ATL3: variants seen among roughly 807,000 people sequenced by gnomAD.
ATL3 encodes atlastin GTPase 3.
Under a neutral mutation model 69.5 loss-of-function variants are expected in ATL3, and 49 were observed. That is an observed-to-expected ratio of 0.71 (90% CI 0.56 to 0.89). The LOEUF is 0.89. Among genes scored for constraint, ATL3 ranks in the 40% least tolerant of loss-of-function variants. ATL3 has a pLI of 0.00. For missense variants in ATL3, 606 were observed against 645.7 expected (o/e 0.94, Z 0.67); for synonymous variants, 214 against 224.1 (o/e 0.95, Z 0.40).
intron 3 of ATL3, among the ~76,000 whole-genome samples, chr11:63,656,369 C>T (rs1373994032): frequency 6.6e-6 from 1 of 151,712 alleles, no homozygotes; most frequent in Non-Finnish European, 1.5e-5. Context: ...AAGAAAAAAG[C>T]AACCAGACAA....
chr11:63,635,938 G>A (rs531809342), intron 9 of ATL3, among the ~76,000 whole-genome samples: 3 of 147,566 alleles, frequency 2.0e-5, no homozygotes, highest in East Asian at 3.9e-4. Context: ...ACCACCTCCT[G>A]TCCACACCAT....
At chr11:63,668,536 G>A (rs1326208997) in intron 1 of ATL3, among the ~76,000 whole-genome samples, 2 of 152,174 alleles carry the variant, frequency 1.3e-5, no homozygotes, top group African/African-American at 4.8e-5. Flanking sequence ...CCATAGCACA[G>A]AAGGCTGAAC....
chr11:63,659,468 A>T (rs552465248), intron 1 of ATL3, among the ~76,000 whole-genome samples: 392 of 152,202 alleles, frequency 2.6e-3, no homozygotes, highest in South Asian at 6.2e-3. Context: ...TATGAAATTT[A>T]AAAAATTAGC....
rs1004741278 is a variant in ATL3, at chr11:63,625,830, A to G, written c.*3489T>C. 2 of 152,228 alleles carry G rather than the reference A, an allele frequency of 1.3e-5. No individual in the cohort carries two copies. The highest frequency in any genetic ancestry group is 2.9e-5 in the Non-Finnish European group (2 of 68,078). 9.4% of individuals were successfully genotyped at this position (152,228 alleles called of 1,614,324 possible). A position where few individuals can be genotyped will look rare whatever the true frequency, so the allele number is the denominator to read the frequency against. ...AGCCCTGTCTCTACTAAAAATACAA[A>G]AATAAGCCGGGTGTGGTGGCACATG... On this transcript the variant is annotated 3_prime_UTR_variant, in exon 13 of 13. Transcript: ENST00000398868.
chr11:63,652,814 T>C (rs890312653), intron 3 of ATL3, among the ~76,000 whole-genome samples: 40 of 152,340 alleles, frequency 2.6e-4, no homozygotes, highest in African/African-American at 9.4e-4. Flanking sequence ...GCCCCACCAA[T>C]TGAAACAGAC....
At chr11:63,661,564 CGA>C (rs1940420154) in intron 1 of ATL3, among the ~76,000 whole-genome samples, 1 of 151,856 alleles carries the variant, frequency 6.6e-6, no homozygotes, top group Non-Finnish European at 1.5e-5. Flanking sequence ...GCCAATATAG[CGA>C]GAGACTGTCT....
At chr11:63,631,897 G>A (rs1006654668) in intron 11 of ATL3, among the ~76,000 whole-genome samples, 10 of 152,282 alleles carry the variant, frequency 6.6e-5, no homozygotes, top group Middle Eastern at 3.4e-3. Flanking sequence ...CAGGAGAACC[G>A]CTTGAACCCG....
In ATL3 at chr11:63,631,149, A is replaced by G. The variant is rs539279357; in HGVS notation, c.1430T>C (p.Val477Ala). Reference sequence around the variant, plus strand: ...GAGGAGTGCTATTAACAGTAGTCCAACCATACAGTTGAACAACTGGGCTAC... The same window carrying G: ...GAGGAGTGCTATTAACAGTAGTCCAGCCATACAGTTGAACAACTGGGCTAC... ...EVVAQLFNCM[V>A]GLLLIALLTW... is the part of the protein sequence containing the mutation. The change falls in exon 12 of 13, where the codon GTT (valine) becomes GCT (alanine). Residue 477 changes from valine to alanine, a missense_variant. Physicochemically the swap from Val to Ala is moderately conservative, Grantham distance 64. Transcript: ENST00000398868. 2 of 1,614,196 alleles carry G rather than the reference A, an allele frequency of 1.2e-6. No individual in the cohort carries two copies. The highest frequency in any genetic ancestry group is 2.2e-5 in the East Asian group (1 of 44,894).
chr11:63,656,536 C>A (rs371522945), intron 3 of ATL3, among the ~76,000 whole-genome samples: 2 of 151,430 alleles, frequency 1.3e-5, no homozygotes, highest in South Asian at 2.1e-4. Context: ...GAGTGCAAGA[C>A]CAGCCTGACC....
intron 1 of ATL3, among the ~76,000 whole-genome samples, chr11:63,660,255 G>T (rs944216304): frequency 6.6e-6 from 1 of 151,952 alleles, no homozygotes; most frequent in Non-Finnish European, 1.5e-5. Flanking sequence ...CATCAACATA[G>T]CAATCCATAA....
intron 1 of ATL3, among the ~76,000 whole-genome samples, chr11:63,662,246 T>C (rs1291700693): frequency 6.7e-6 from 1 of 148,216 alleles, no homozygotes; most frequent in African/African-American, 2.5e-5. Flanking sequence ...AAGAAAGAAA[T>C]TCAGAGCCAC....
In ATL3 at chr11:63,671,325, G is replaced by A. The variant is rs1339178477; in HGVS notation, c.11C>T (p.Pro4Leu). The change falls in exon 1 of 13, where the codon CCT becomes CTT. Residue 4 changes from proline to leucine, a missense_variant. Coordinates refer to ENST00000398868, the MANE Select transcript of ATL3 (RefSeq NM_015459.5). MLSPQRVAAAASRG... is the reference protein window; with the variant it reads MLSLQRVAAAASRG... The stretch of plus-strand genomic sequence containing the variant: ...TGAGGCAGCTGCTGCCACTCGCTGA[G>A]GGGACAACATGGAGCCTCCGCCTTC... 1.3e-6 allele frequency: 2 copies of A among 1,587,584 alleles called. No individual in the cohort carries two copies. Among genetic ancestry groups the A allele is most frequent in the Middle Eastern group, 1.7e-4 (1 of 5,884 alleles).
chr11:63,662,692 C>T (rs995434345), intron 1 of ATL3, among the ~76,000 whole-genome samples: 9 of 152,104 alleles, frequency 5.9e-5, no homozygotes, highest in African/African-American at 2.2e-4. Context: ...TTGCCCAGGC[C>T]CGTCTTGAAC....
At chr11:63,629,749 T>G (rs965467326) in intron 12 of ATL3, among the ~76,000 whole-genome samples, 6 of 152,172 alleles carry the variant, frequency 3.9e-5, no homozygotes, top group African/African-American at 7.2e-5. Context: ...GTTAGTCAGG[T>G]GTGGTGGCAC....
intron 7 of ATL3, 98 bp from the exon 8 acceptor site, chr11:63,643,593 TC>T: frequency 8.9e-7 from 1 of 1,118,594 alleles, no homozygotes; most frequent in Non-Finnish European, 1.3e-6. Context: ...ACTCCTCAAC[TC>T]TGATGGATCA....
chr11:63,670,535 G>A (rs971249793), intron 1 of ATL3: 1 of 152,210 alleles, frequency 6.6e-6, no homozygotes, highest in Non-Finnish European at 1.5e-5. Flanking sequence ...CAAGTAAAAT[G>A]ACAGACTAAA....
Position 63,643,368 on chromosome 11 carries a change from C to A in ATL3, c.839G>T (p.Gly280Val). 2 of 1,604,590 alleles carry A rather than the reference C, an allele frequency of 1.2e-6. No individual in the cohort carries two copies. The highest frequency in any genetic ancestry group is 8.5e-7 in the Non-Finnish European group (1 of 1,176,208). Residue 280 changes from glycine (G) to valine (V), a missense_variant, in exon 8 of 13, where the codon GGG (glycine) becomes GTG (valine). Physicochemically the swap from Gly to Val is moderately radical, Grantham distance 109 (BLOSUM62 -3). Coordinates refer to ENST00000398868, the MANE Select transcript of ATL3 (RefSeq NM_015459.5). Reference protein sequence around the residue: ...LQVATSPDFDGKLKDIAGEFK... With the variant: ...LQVATSPDFDVKLKDIAGEFK... ...CACCTGGAACACACCTTTTAATTTC[C>A]CATCAAAGTCAGGGCTTGTGGCCAC...
intron 1 of ATL3, among the ~76,000 whole-genome samples, chr11:63,669,009 T>TG (rs1940680615): frequency 8.6e-6 from 1 of 116,256 alleles, no homozygotes; most frequent in South Asian, 2.7e-4. Flanking sequence ...TAATTTTTTT[T>TG]TGGGTGGGGG....
chr11:63,634,038 C>CA (rs1158615731), intron 10 of ATL3, among the ~76,000 whole-genome samples: 5,292 of 76,152 alleles, frequency 0.069, 412 homozygotes, highest in African/African-American at 0.22. Context: ...CTGTCTCAAA[C>CA]AAAAAAAAAA....
Sources: allele counts gnomAD v4.1 joint callset (sites outside exome capture counted in the v4.1 genomes callset), GRCh38; gene constraint gnomAD v4.1.1; transcripts MANE v1.5; gene names NCBI Gene and HGNC (gene_info 2026-07-23, HGNC 2026-07-21).